PSEN2: variants seen among roughly 807,000 people sequenced by gnomAD.
PSEN2 encodes the protein presenilin-2.
A neutral mutation model predicts 49.1 loss-of-function variants in PSEN2; 32 were observed. The ratio of observed to expected loss-of-function variants is 0.65; its 90% CI spans 0.49 to 0.88. The LOEUF (loss-of-function observed/expected upper bound fraction) is 0.88, where lower values mean the gene tolerates loss of function less well. Ranked by LOEUF, PSEN2 falls within the 40% of genes least tolerant of loss-of-function variation. The pLI is 0.00. For missense variants in PSEN2, 522 were observed against 586.9 expected (o/e 0.89, Z 1.14); for synonymous variants, 255 against 244.0 (o/e 1.05, Z -0.42).
In PSEN2 at chr1:226,894,140, A is replaced by G; in HGVS notation, c.1191+15A>G. On this transcript the variant is annotated intron_variant, in intron 12 of 12. Transcript: ENST00000366783. ...CCATCCTCATTGTGAGTGGCTGGGG[A>G]TGCGTCCAGCTGCCTCGTGGTGGGG... 2.5e-6 allele frequency: 4 copies of G among 1,605,334 alleles called. No individual in the cohort carries two copies. The highest frequency in any genetic ancestry group is 3.4e-6 in the Non-Finnish European group (4 of 1,172,296).
At chr1:226,886,769 G>T (rs943454194) in intron 6 of PSEN2, among the ~76,000 whole-genome samples, 8 of 152,066 alleles carry the variant, frequency 5.3e-5, no homozygotes, top group Non-Finnish European at 1.0e-4. Context: ...GCCATGGGAG[G>T]GGCTGCAGGA....
chr1:226,881,861 A>G, intron 3 of PSEN2, 27 bp from the exon 4 acceptor site: 1 of 1,614,066 alleles, frequency 6.2e-7, no homozygotes, highest in Non-Finnish European at 8.5e-7. Context: ...GGAAAGTGGA[A>G]CAAGGTCCTT....
chr1:226,870,737 C>G (rs1363580270), intron 1 of PSEN2, 88 bp downstream of exon 1: 2 of 152,162 alleles, frequency 1.3e-5, no homozygotes, highest in Admixed American at 1.3e-4. Flanking sequence ...CCCTGAGGGC[C>G]CTGCCCTGCC....
At chr1:226,900,275 C>T (rs1662273847), downstream of PSEN2, among the ~76,000 whole-genome samples, 1 of 152,122 alleles carries the variant, frequency 6.6e-6, no homozygotes, top group African/African-American at 2.4e-5. Context: ...ACCCTCTGCC[C>T]CCCACCGCTG....
At chr1:226,888,263 A>T (rs970923908) in intron 7 of PSEN2, 105 bp downstream of exon 7, 2 of 1,055,938 alleles carry the variant, frequency 1.9e-6, no homozygotes, top group East Asian at 4.8e-5. Flanking sequence ...ATCGAGCTCC[A>T]GTCTTCCCCA....
At chr1:226,893,435 T>G (rs1223460815) in intron 11 of PSEN2, among the ~76,000 whole-genome samples, 2 of 152,184 alleles carry the variant, frequency 1.3e-5, no homozygotes, top group Non-Finnish European at 2.9e-5. Flanking sequence ...TTGTCTACAG[T>G]GAGCAAAGTT....
At position 226,895,722 on chromosome 1, in the gene PSEN2, C is replaced by A. The variant is rs945284547; in HGVS notation, c.*143C>A. ...ACGTGTTTACTTGGTGAGGAGGAGG[C>A]AGAACCAGCTCTTTGGTGCCAGCTG... On this transcript the variant is annotated 3_prime_UTR_variant, in exon 13 of 13. Coordinates refer to ENST00000366783, the MANE Select transcript of PSEN2 (RefSeq NM_000447.3). 1 of 1,038,230 alleles carries A rather than the reference C, an allele frequency of 9.6e-7. No individual in the cohort carries two copies. Among genetic ancestry groups the A allele is most frequent in the Non-Finnish European group, 1.4e-6 (1 of 719,500 alleles). The allele number at this position is 1,038,230 out of a possible 1,614,324, so 64.3% of individuals were successfully genotyped here.
intron 11 of PSEN2, among the ~76,000 whole-genome samples, chr1:226,892,609 G>A (rs1212762946): frequency 1.3e-5 from 2 of 152,218 alleles, no homozygotes; most frequent in African/African-American, 4.8e-5. Context: ...CCAGTGACAC[G>A]GGAGGGGCAA....
At chr1:226,881,585 T>C (rs1660992453) in intron 3 of PSEN2, among the ~76,000 whole-genome samples, 1 of 152,210 alleles carries the variant, frequency 6.6e-6, no homozygotes, top group African/African-American at 2.4e-5. Context: ...CCACAGATGT[T>C]TGCTGATTGA....
Position 226,884,194 on chromosome 1 carries a change from A to G in PSEN2, c.356+275A>G, listed in dbSNP as rs912610456. ...TGGGAGAATTAAGTGAGTTAATATG[A>G]GTGAAGGGCTTAGAAGAGTGTCTAC... On this transcript the variant is annotated intron_variant, in intron 5 of 12. Transcript: ENST00000366783. Among the ~76,000 whole-genome samples, 2 of 152,184 alleles carry G rather than the reference A, an allele frequency of 1.3e-5. 1 individual carries two copies. The highest frequency in any genetic ancestry group is 3.8e-4 in the East Asian group (2 of 5,196).
At chr1:226,891,129 G>A (rs1661710538) in intron 9 of PSEN2, 149 bp from the exon 10 acceptor site, 5 of 686,174 alleles carry the variant, frequency 7.3e-6, no homozygotes, top group East Asian at 5.4e-5. Context: ...CTCCCACAAC[G>A]GCCTCCTAAC....
intron 11 of PSEN2, among the ~76,000 whole-genome samples, chr1:226,892,998 T>C (rs1661863282): frequency 6.6e-6 from 1 of 152,228 alleles, no homozygotes; most frequent in Non-Finnish European, 1.5e-5. Context: ...AGTAGCACGA[T>C]TGTGGCTCAC....
chr1:226,885,485 G>T, intron 5 of PSEN2, 53 bp from the exon 6 acceptor site: 2 of 1,598,014 alleles, frequency 1.3e-6, no homozygotes, highest in Non-Finnish European at 8.5e-7. Context: ...AAGGTGGGGA[G>T]CCTCGAGGAG....
intron 4 of PSEN2, among the ~76,000 whole-genome samples, chr1:226,882,493 C>CA (rs1661064346): frequency 6.6e-6 from 1 of 152,170 alleles, no homozygotes; most frequent in South Asian, 2.1e-4. Flanking sequence ...ATTTGGGCTT[C>CA]ACTGTGATCA....
rs1380622968 is a variant in PSEN2 at position 226,888,692 on chromosome 1, G to A, written c.567-137G>A. 15 of 795,974 alleles carry A rather than the reference G, an allele frequency of 1.9e-5. No homozygotes were observed. In the Admixed American group the frequency reaches 2.2e-4, roughly 12 times the overall value. The allele number at this position is 795,974 out of a possible 1,614,324, so 49.3% of individuals were successfully genotyped here. A position where few individuals can be genotyped will look rare whatever the true frequency, so the allele number is the denominator to read the frequency against. ...CCTTGTTTTAGAAAATGCTGCAAAT[G>A]GTAAATTGTAAGGACAGTGAAGGTC... is the stretch of plus-strand genomic sequence containing the variant. On this transcript the variant is annotated intron_variant, in intron 7 of 12. Transcript: ENST00000366783.
In PSEN2 at chr1:226,894,086, C is replaced by G. The variant is rs199550349; in HGVS notation, c.1152C>G (p.Asp384Glu). The G allele has an allele frequency of 6.2e-7, 1 of 1,614,070 alleles. No individual in the cohort carries two copies. Among genetic ancestry groups the G allele is most frequent in the Non-Finnish European group, 8.5e-7 (1 of 1,180,030 alleles). Residue 384 changes from aspartate to glutamate, a missense_variant, in exon 12 of 13, where the codon GAC (aspartate) becomes GAG (glutamate). By Grantham distance (45) the Asp-to-Glu change is conservative. Transcript: ENST00000366783. Reference sequence around the variant, plus strand: ...AGGCGGCTGCCACGGGCAGCGGGGACTGGAATACCACGCTGGCCTGCTTCG... The same window carrying G: ...AGGCGGCTGCCACGGGCAGCGGGGAGTGGAATACCACGCTGGCCTGCTTCG... The part of the protein sequence containing the change: ...VGKAAATGSG[D>E]WNTTLACFVA...
At chr1:226,903,073 C>T (rs1662366112) in intron 12 of PSEN2, among the ~76,000 whole-genome samples, 1 of 146,558 alleles carries the variant, frequency 6.8e-6, no homozygotes, top group Non-Finnish European at 1.5e-5. Flanking sequence ...ATTGTAATAA[C>T]ATTCTCATAC....
chr1:226,902,016 A>G (rs531763001), intron 12 of PSEN2, among the ~76,000 whole-genome samples: 40 of 152,234 alleles, frequency 2.6e-4, no homozygotes, highest in African/African-American at 7.9e-4. Flanking sequence ...AAGGGGCCGC[A>G]TCCATGGAGA....
Position 226,888,864 on chromosome 1 carries a change from A to G in PSEN2, c.602A>G (p.Tyr201Cys). 4 of 1,614,050 alleles carry G rather than the reference A, an allele frequency of 2.5e-6. No individual in the cohort carries two copies. Among genetic ancestry groups the G allele is most frequent in the Non-Finnish European group, 3.4e-6 (4 of 1,180,004 alleles). Residue 201 changes from tyrosine (Y) to cysteine (C), a missense_variant, in exon 8 of 13, where the codon TAC becomes TGC. Coordinates refer to ENST00000366783, the MANE Select transcript of PSEN2 (RefSeq NM_000447.3). ...AAGACCTACAATGTGGCCATGGACT[A>G]CCCCACCCTCTTGCTGACTGTCTGG... The part of the protein sequence containing the change: ...VLKTYNVAMD[Y>C]PTLLLTVWNF...
Sources: allele counts gnomAD v4.1 joint callset (sites outside exome capture counted in the v4.1 genomes callset), GRCh38; gene constraint gnomAD v4.1.1; transcripts MANE v1.5; gene names NCBI Gene and HGNC (gene_info 2026-07-23, HGNC 2026-07-21).